VGLL3: variants seen among roughly 807,000 people sequenced by gnomAD.
The protein encoded by VGLL3 is vestigial like family member 3, also known as transcription cofactor vestigial-like protein 3.
In VGLL3, 18 loss-of-function variants were observed where a neutral mutation model predicts 29.2. The observed-to-expected ratio is 0.62, with a 90% CI of 0.43 to 0.91. VGLL3 has a LOEUF of 0.91. Ranked by LOEUF, VGLL3 falls within the 40% of genes least tolerant of loss-of-function variation. VGLL3 has a pLI of 0.00. For missense variants in VGLL3, 440 were observed against 413.2 expected (o/e 1.06, Z -0.56); for synonymous variants, 180 against 151.8 (o/e 1.19, Z -1.36).
Position 86,940,447 on chromosome 3 carries a change from C to T in VGLL3, c.*6577G>A, listed in dbSNP as rs1704370579. On this transcript the variant is annotated 3_prime_UTR_variant, in exon 4 of 4. Coordinates refer to ENST00000398399, the MANE Select transcript of VGLL3 (RefSeq NM_016206.4). ...CCATTATAAACATGTATTTTATAAT[C>T]TATTCCTTGCTGTAACATATAGACT... 6.6e-6 allele frequency: 1 copy of T among 152,542 alleles called. No homozygotes were observed. Among genetic ancestry groups the T allele is most frequent in the Non-Finnish European group, 1.5e-5 (1 of 68,008 alleles). The allele number at this position is 152,542 out of a possible 1,614,324, so 9.4% of individuals were successfully genotyped here. A position where few individuals can be genotyped will look rare whatever the true frequency, so the allele number is the denominator to read the frequency against.
At chr3:86,982,053 TC>T (rs1368047435) in intron 1 of VGLL3, among the ~76,000 whole-genome samples, 1 of 152,228 alleles carries the variant, frequency 6.6e-6, no homozygotes, top group African/African-American at 2.4e-5. Context: ...CTGCCTTTCA[TC>T]CCATCTTAAT....
chr3:86,987,383 A>G (rs749257444), intron 1 of VGLL3, among the ~76,000 whole-genome samples: 2 of 152,204 alleles, frequency 1.3e-5, no homozygotes, highest in Non-Finnish European at 2.9e-5. Flanking sequence ...AGATTCATCC[A>G]GCTGTTACCC....
At chr3:86,952,275 A>T (rs1403236158) in intron 3 of VGLL3, among the ~76,000 whole-genome samples, 1 of 152,202 alleles carries the variant, frequency 6.6e-6, no homozygotes, top group Non-Finnish European at 1.5e-5. Context: ...GATAGAAATA[A>T]TAAATAAACA....
chr3:86,990,699 C>A lies in VGLL3; in HGVS notation c.45G>T (p.Ala15=), dbSNP rs748676569. 8 of 1,431,548 alleles carry A rather than the reference C, an allele frequency of 5.6e-6. No homozygotes were observed. Among genetic ancestry groups the A allele is most frequent in the Non-Finnish European group, 7.3e-6 (8 of 1,092,206 alleles). The allele number at this position is 1,431,548 out of a possible 1,614,324, so 88.7% of individuals were successfully genotyped here. A position where few individuals can be genotyped will look rare whatever the true frequency, so the allele number is the denominator to read the frequency against. Reference sequence around the variant, plus strand: ...CCATGGGGTTGGGCAGATACTGGGACGCTCCATAAGGCTGGGGGTGATACA... The same window carrying A: ...CCATGGGGTTGGGCAGATACTGGGAAGCTCCATAAGGCTGGGGGTGATACA... The part of the protein sequence containing the change: ...EVMYHPQPYG[A]SQYLPNPMAA... Residue 15 remains alanine, a synonymous_variant, in exon 1 of 4, where the codon GCG becomes GCT. Coordinates refer to ENST00000398399, the MANE Select transcript of VGLL3 (RefSeq NM_016206.4).
chr3:86,990,523 G>T, intron 1 of VGLL3, 95 bp downstream of exon 1: 2 of 1,296,012 alleles, frequency 1.5e-6, no homozygotes, highest in Non-Finnish European at 2.0e-6. Flanking sequence ...CATCCTCTGC[G>T]CCACGCGTGC....
intron 1 of VGLL3, among the ~76,000 whole-genome samples, chr3:86,987,556 G>C (rs1705475643): frequency 6.6e-6 from 1 of 152,156 alleles, no homozygotes; most frequent in Non-Finnish European, 1.5e-5. Flanking sequence ...ACTGAGTCAA[G>C]GGTTCTCCTG....
intron 1 of VGLL3, among the ~76,000 whole-genome samples, chr3:86,980,663 A>C (rs574243427): frequency 1.3e-5 from 2 of 152,250 alleles, no homozygotes; most frequent in Admixed American, 1.3e-4. Context: ...ATAACCTCTA[A>C]AACTATTCCT....
intron 3 of VGLL3, chr3:86,962,711 AT>A: frequency 1.3e-6 from 1 of 784,280 alleles, no homozygotes; most frequent in Non-Finnish European, 1.5e-6. Context: ...TTAAACACAC[AT>A]TTACTTAAAA....
intron 3 of VGLL3, among the ~76,000 whole-genome samples, chr3:86,957,195 C>T (rs1475407004): frequency 6.6e-6 from 1 of 152,118 alleles, no homozygotes; most frequent in East Asian, 1.9e-4. Flanking sequence ...ATATTTTTAT[C>T]TTCTTTTCCA....
At chr3:86,970,141 G>A (rs1705063365) in intron 2 of VGLL3, among the ~76,000 whole-genome samples, 1 of 152,124 alleles carries the variant, frequency 6.6e-6, no homozygotes, top group Admixed American at 6.5e-5. Flanking sequence ...AGCACTTAGA[G>A]ACGAATAAGA....
At position 86,940,232 on chromosome 3, in the gene VGLL3, T is replaced by G. The variant is rs1347019539; in HGVS notation, c.*6792A>C. On this transcript the variant is annotated 3_prime_UTR_variant, in exon 4 of 4. Coordinates refer to ENST00000398399, the MANE Select transcript of VGLL3 (RefSeq NM_016206.4). ...AGAATACAAGGTCTTGGAATTCTCTTTTCAATGTTAATGAATCGTAGAAAA... is the reference window on the plus strand; with the variant it reads ...AGAATACAAGGTCTTGGAATTCTCTGTTCAATGTTAATGAATCGTAGAAAA... The G allele has an allele frequency of 6.6e-6, 1 of 152,290 alleles. No individual in the cohort carries two copies. Among genetic ancestry groups the G allele is most frequent in the Non-Finnish European group, 1.5e-5 (1 of 68,028 alleles). The allele number at this position is 152,290 out of a possible 1,614,324, so 9.4% of individuals were successfully genotyped here. A position where few individuals can be genotyped will look rare whatever the true frequency, so the allele number is the denominator to read the frequency against.
At chr3:86,986,132 T>G (rs543536907) in intron 1 of VGLL3, among the ~76,000 whole-genome samples, 1 of 152,156 alleles carries the variant, frequency 6.6e-6, no homozygotes, top group African/African-American at 2.4e-5. Flanking sequence ...AGAACAAGAC[T>G]TTCCACTCTA....
Position 86,939,211 on chromosome 3 carries a change from G to A in VGLL3, c.*7813C>T, listed in dbSNP as rs146681502. ...GAAATAGTCCTTCTCGATTACAAGA[G>A]TGATAGAAAATGATGGAAGTCCAAT... is the stretch of plus-strand genomic sequence containing the variant. On this transcript the variant is annotated 3_prime_UTR_variant, in exon 4 of 4. Coordinates refer to ENST00000398399, the MANE Select transcript of VGLL3 (RefSeq NM_016206.4). 27 of 152,326 alleles carry A rather than the reference G, an allele frequency of 1.8e-4. No individual in the cohort carries two copies. The highest frequency in any genetic ancestry group is 6.0e-4 in the African/African-American group (25 of 41,574). 9.4% of individuals were successfully genotyped at this position (152,326 alleles called of 1,614,324 possible).
intron 1 of VGLL3, among the ~76,000 whole-genome samples, chr3:86,986,457 G>A (rs1334918746): frequency 6.6e-6 from 1 of 151,992 alleles, no homozygotes; most frequent in Non-Finnish European, 1.5e-5. Flanking sequence ...TTTCTGGCTG[G>A]GAAGTTATAG....
At chr3:86,972,356 A>G in intron 2 of VGLL3, among the ~76,000 whole-genome samples, 1 of 152,344 alleles carries the variant, frequency 6.6e-6, no homozygotes, top group African/African-American at 2.4e-5. Flanking sequence ...GATGAATATA[A>G]AGTTTGCAAA....
Position 86,961,159 on chromosome 3 carries a change from A to T in VGLL3, c.937+7431T>A, listed in dbSNP as rs1704830538. ...ACATGAGGGATCCCAAGAAAAATAAATCTGTGGATCTACAGATGAATACAA... is the reference window on the plus strand; with the variant it reads ...ACATGAGGGATCCCAAGAAAAATAATTCTGTGGATCTACAGATGAATACAA... On this transcript the variant is annotated intron_variant, in intron 3 of 3. Coordinates refer to ENST00000398399, the MANE Select transcript of VGLL3 (RefSeq NM_016206.4). 2.6e-5 allele frequency among the ~76,000 whole-genome samples: 4 copies of T among 152,172 alleles called. 1 individual carries two copies. In the South Asian group the frequency reaches 8.3e-4, roughly 32 times the overall value.
intron 3 of VGLL3, among the ~76,000 whole-genome samples, chr3:86,952,596 G>A (rs1038410566): frequency 1.3e-5 from 2 of 152,250 alleles, no homozygotes; most frequent in African/African-American, 4.8e-5. Flanking sequence ...GCATTTGTAT[G>A]GGTAAGTGTA....
intron 3 of VGLL3, among the ~76,000 whole-genome samples, chr3:86,950,450 G>C (rs1209721131): frequency 1.3e-5 from 2 of 152,156 alleles, no homozygotes; most frequent in South Asian, 2.1e-4. Flanking sequence ...AAAAGAGGTG[G>C]TCTGATGTCA....
chr3:86,975,565 C>G (rs1349990600), intron 2 of VGLL3, among the ~76,000 whole-genome samples: 1 of 152,048 alleles, frequency 6.6e-6, no homozygotes, highest in Non-Finnish European at 1.5e-5. Context: ...AAGAAATTTT[C>G]TATTAAAGAC....
Sources: gnomAD v4.1 joint callset for allele counts (sites outside exome capture counted in the v4.1 genomes callset) on GRCh38, gnomAD v4.1.1 for gene constraint, MANE v1.5 for transcripts, NCBI Gene and HGNC (gene_info 2026-07-23, HGNC 2026-07-21) for gene names.